Variants in STARD13 observed in about 807,000 individuals in gnomAD.
The protein encoded by STARD13 is StAR related lipid transfer domain containing 13.
STARD13 carries 62 observed loss-of-function variants against 106.4 expected under a neutral mutation model. The ratio of observed to expected loss-of-function variants is 0.58; its 90% CI spans 0.48 to 0.72. The LOEUF is 0.72. Among genes scored for constraint, STARD13 ranks in the 30% least tolerant of loss-of-function variants. The pLI is 0.00. For synonymous variants in STARD13, 565 were observed against 553.0 expected, an observed-to-expected ratio of 1.02 and a Z score of -0.31; for missense variants, 1,387 against 1,424.0, an observed-to-expected ratio of 0.97 and a Z score of 0.42.
At chr13:33,628,849 C>T in the STARD13 span, among the ~76,000 whole-genome samples, 1 of 152,206 alleles carries the variant, frequency 6.6e-6, no homozygotes, top group Admixed American at 6.5e-5. Flanking sequence ...CATCACTCTT[C>T]ACCAGAGTTC....
the STARD13 span, among the ~76,000 whole-genome samples, chr13:33,641,423 G>A: frequency 6.6e-6 from 1 of 152,184 alleles, no homozygotes; most frequent in African/African-American, 2.4e-5. Flanking sequence ...ACAGAAAGGT[G>A]GAAGGAAACT....
chr13:33,112,763 G>T lies in STARD13; in HGVS notation c.2450C>A (p.Ser817Tyr), dbSNP rs1182600685. The T allele has an allele frequency of 6.2e-7, 1 of 1,609,360 alleles. No homozygotes were observed. The highest frequency in any genetic ancestry group is 8.5e-7 in the Non-Finnish European group (1 of 1,177,750). The change falls in exon 9 of 14, where the codon TCC becomes TAC. Residue 817 changes from serine to tyrosine, a missense_variant. Transcript: ENST00000336934. Reference protein sequence around the residue: ...PMNLAVCLAPSLFHLNLLKKE... With the variant: ...PMNLAVCLAPYLFHLNLLKKE... Reference sequence around the variant, plus strand: ...CTTCAATAAATTAAGATGAAAGAGGGAGGGGGCCAGACACACTGCCAGGTT... The same window carrying T: ...CTTCAATAAATTAAGATGAAAGAGGTAGGGGGCCAGACACACTGCCAGGTT...
At chr13:33,486,339 T>C in the STARD13 span, among the ~76,000 whole-genome samples, 1 of 152,126 alleles carries the variant, frequency 6.6e-6, no homozygotes, top group Non-Finnish European at 1.5e-5. Context: ...GGCATCCCAG[T>C]GGATGCCCGA....
chr13:33,424,187 A>G, the STARD13 span, among the ~76,000 whole-genome samples: 3 of 152,296 alleles, frequency 2.0e-5, no homozygotes, highest in South Asian at 6.2e-4. Flanking sequence ...CCAGACTCAG[A>G]GCCAGACTAC....
intron 1 of STARD13, among the ~76,000 whole-genome samples, chr13:33,193,286 T>C (rs1046059761): frequency 6.6e-6 from 1 of 152,094 alleles, no homozygotes; most frequent in African/African-American, 2.4e-5. Context: ...ATGAAAGTTG[T>C]TAGTGATTAG....
chr13:33,524,285 C>T, the STARD13 span: 30 of 1,280,696 alleles, frequency 2.3e-5, no homozygotes, highest in African/African-American at 4.4e-4. Context: ...GGCACACCAT[C>T]AAGATTCTGG....
intron 1 of STARD13, among the ~76,000 whole-genome samples, chr13:33,224,666 T>C (rs1458324846): frequency 6.6e-6 from 1 of 152,226 alleles, no homozygotes. Context: ...AGAGGAAATA[T>C]AATCTCACCA....
chr13:33,137,237 A>G (rs1262680776), intron 4 of STARD13, among the ~76,000 whole-genome samples: 5 of 152,188 alleles, frequency 3.3e-5, no homozygotes, highest in African/African-American at 1.2e-4. Context: ...GTCACTCACC[A>G]CTGACAGTTG....
At chr13:33,322,640 C>T (rs187029910) in intron 1 of STARD13, among the ~76,000 whole-genome samples, 38 of 152,282 alleles carry the variant, frequency 2.5e-4, no homozygotes, top group Admixed American at 1.5e-3. Context: ...AAGCTGCAGA[C>T]GCATTATTCA....
chr13:33,643,629 C>A, the STARD13 span, among the ~76,000 whole-genome samples: 4 of 152,256 alleles, frequency 2.6e-5, no homozygotes, highest in African/African-American at 9.6e-5. Context: ...GTCGCACACC[C>A]GGTTCAGTTT....
chr13:33,503,665 G>A, the STARD13 span, among the ~76,000 whole-genome samples: 1 of 152,174 alleles, frequency 6.6e-6, no homozygotes, highest in East Asian at 1.9e-4. Flanking sequence ...GGAGCAGGTT[G>A]TTCAGTTTCC....
chr13:33,173,336 G>A (rs1286252381), intron 1 of STARD13, among the ~76,000 whole-genome samples: 1 of 152,204 alleles, frequency 6.6e-6, no homozygotes, highest in East Asian at 1.9e-4. Flanking sequence ...CATTAAGCCA[G>A]TTTTGTTAAA....
the STARD13 span, among the ~76,000 whole-genome samples, chr13:33,490,919 G>A: frequency 6.6e-6 from 1 of 152,182 alleles, no homozygotes; most frequent in African/African-American, 2.4e-5. Context: ...CAAAGTGCTC[G>A]CCCTGGCCTC....
rs74367022 is a variant in STARD13, at chr13:33,151,859, G to A, written c.324-9486C>T. On this transcript the variant is annotated intron_variant, in intron 3 of 13. Coordinates refer to ENST00000336934, the MANE Select transcript of STARD13 (RefSeq NM_178006.4). ...TGCAAAAGGGGAGTGAGAGTGGGAT[G>A]TCTGCGTGAAGACAGAGACTCGGCC... is the stretch of plus-strand genomic sequence containing the variant. Among the ~76,000 whole-genome samples, 572 of 152,314 alleles carry A rather than the reference G, an allele frequency of 3.8e-3. 2 individuals carry two copies. Among genetic ancestry groups the A allele is most frequent in the African/African-American group, 0.013 (540 of 41,554 alleles).
At chr13:33,612,596 T>C in the STARD13 span, among the ~76,000 whole-genome samples, 1 of 152,156 alleles carries the variant, frequency 6.6e-6, no homozygotes, top group East Asian at 1.9e-4. Flanking sequence ...AGGGAGGCTG[T>C]TTTCTTTTTC....
intron 4 of STARD13, among the ~76,000 whole-genome samples, chr13:33,134,436 C>A (rs1157309039): frequency 6.6e-6 from 1 of 152,194 alleles, no homozygotes. Flanking sequence ...TTGAGTAACT[C>A]CTCTAAAGCG....
At chr13:33,187,408 C>T (rs369237667) in intron 1 of STARD13, among the ~76,000 whole-genome samples, 2 of 152,154 alleles carry the variant, frequency 1.3e-5, no homozygotes, top group African/African-American at 4.8e-5. Context: ...TCTGCAACTT[C>T]AGAAAGGGTG....
At chr13:33,423,301 C>A in the STARD13 span, among the ~76,000 whole-genome samples, 23,790 of 152,198 alleles carry the variant, frequency 0.16, 4,451 homozygotes, top group African/African-American at 0.44. Context: ...ACAGATACTT[C>A]TCAAAAGAAG....
At chr13:33,293,327 C>T (rs889248134) in intron 1 of STARD13, among the ~76,000 whole-genome samples, 3 of 151,980 alleles carry the variant, frequency 2.0e-5, no homozygotes, top group Admixed American at 6.6e-5. Flanking sequence ...ACATCAGTAG[C>T]GATTGGTTGA....
Sources: allele counts gnomAD v4.1 joint callset (sites outside exome capture counted in the v4.1 genomes callset), GRCh38; gene constraint gnomAD v4.1.1; transcripts MANE v1.5; gene names NCBI Gene and HGNC (gene_info 2026-07-23, HGNC 2026-07-21).